The following EGFLAM variants were observed in gnomAD, a reference collection of about 807,000 sequenced individuals.
EGFLAM encodes the protein EGF like, fibronectin type III and laminin G domains, also known as pikachurin.
In EGFLAM, 79 loss-of-function variants were observed where a neutral mutation model predicts 113.1. The ratio of observed to expected loss-of-function variants is 0.70; its 90% CI spans 0.58 to 0.84. EGFLAM has a LOEUF of 0.84. EGFLAM is among the 40% of genes least tolerant of loss of function. The probability of loss-of-function intolerance (pLI) is 0.00; values close to 1 mark genes in which losing one functional copy is unlikely to be tolerated. For missense variants in EGFLAM, 1,265 were observed against 1,291.6 expected, an observed-to-expected ratio of 0.98 and a Z score of 0.32; for synonymous variants, 504 against 487.6, an observed-to-expected ratio of 1.03 and a Z score of -0.44.
At chr5:38,462,822 A>T (rs757226426) in intron 20 of EGFLAM, 86 bp from the exon 21 acceptor site, 1 of 1,441,266 alleles carries the variant, frequency 6.9e-7, no homozygotes. Context: ...GTGTCCTTTA[A>T]TACATTTGTA....
At chr5:38,368,098 G>A (rs1295101483) in intron 5 of EGFLAM, among the ~76,000 whole-genome samples, 1 of 152,194 alleles carries the variant, frequency 6.6e-6, no homozygotes, top group African/African-American at 2.4e-5. Flanking sequence ...ATAGATATGG[G>A]TTATTTCCTC....
chr5:38,265,625 C>T (rs1163031204), intron 1 of EGFLAM, among the ~76,000 whole-genome samples: 1 of 152,168 alleles, frequency 6.6e-6, no homozygotes, highest in Non-Finnish European at 1.5e-5. Flanking sequence ...GAGGAAGGAC[C>T]CCAGGGTGTA....
chr5:38,280,952 T>C (rs1757997934), intron 1 of EGFLAM, among the ~76,000 whole-genome samples: 1 of 152,182 alleles, frequency 6.6e-6, no homozygotes, highest in Admixed American at 6.5e-5. Context: ...GCAGTAACTA[T>C]AGTGTAAGAG....
chr5:38,367,412 AT>A (rs140514341), intron 5 of EGFLAM, among the ~76,000 whole-genome samples: 2 of 145,554 alleles, frequency 1.4e-5, no homozygotes, highest in East Asian at 2.0e-4. Flanking sequence ...ATGCTGGCTA[AT>A]TTTTTTTTTA....
At chr5:38,330,176 C>T (rs924540544) in intron 1 of EGFLAM, among the ~76,000 whole-genome samples, 1 of 152,156 alleles carries the variant, frequency 6.6e-6, no homozygotes, top group Non-Finnish European at 1.5e-5. Flanking sequence ...AAAATAAAAA[C>T]TACATTTTCC....
chr5:38,326,543 G>A (rs1738888322), intron 1 of EGFLAM, among the ~76,000 whole-genome samples: 1 of 151,944 alleles, frequency 6.6e-6, no homozygotes, highest in South Asian at 2.1e-4. Context: ...CTGTCACCCA[G>A]GCTGGAGTGC....
At chr5:38,411,065 G>C (rs982882633) in intron 10 of EGFLAM, among the ~76,000 whole-genome samples, 1 of 151,742 alleles carries the variant, frequency 6.6e-6, no homozygotes, top group Non-Finnish European at 1.5e-5. Context: ...TTTTCTTATG[G>C]GTCCTGTCCT....
chr5:38,318,868 G>A lies in EGFLAM; in HGVS notation c.98-18652G>A, dbSNP rs377098960. Among the ~76,000 whole-genome samples, 8 of 152,084 alleles carry A rather than the reference G, an allele frequency of 5.3e-5. No individual in the cohort carries two copies. The East Asian group carries it at 1.2e-3, about 22-fold the overall frequency. On this transcript the variant is annotated intron_variant, in intron 1 of 21. Transcript: ENST00000322350. ...ACCCTCAGCGTGGTCACAATAACTC[G>A]AAAAAGCCACTCATCTAGCAGTGAG...
chr5:38,298,519 GT>G (rs1187096817), intron 1 of EGFLAM, among the ~76,000 whole-genome samples: 1 of 152,058 alleles, frequency 6.6e-6, no homozygotes, highest in East Asian at 1.9e-4. Flanking sequence ...CTGTGTTGGG[GT>G]TTTGAGATGG....
chr5:38,320,594 ATG>A (rs1561276759), intron 1 of EGFLAM, among the ~76,000 whole-genome samples: 1 of 151,968 alleles, frequency 6.6e-6, no homozygotes, highest in African/African-American at 2.4e-5. Context: ...GCCTGTGTAT[ATG>A]TGTGTCTGCA....
At chr5:38,455,694 A>C (rs1238435813) in intron 19 of EGFLAM, among the ~76,000 whole-genome samples, 1 of 152,168 alleles carries the variant, frequency 6.6e-6, no homozygotes, top group Non-Finnish European at 1.5e-5. Flanking sequence ...GAATCGGGCC[A>C]TGGAGAAGCC....
rs767818661 is a variant in EGFLAM, at chr5:38,407,799, C to G, written c.1148-6C>G. On this transcript the variant is annotated splice_region_variant and splice_polypyrimidine_tract_variant and intron_variant, in intron 8 of 21. Transcript: ENST00000322350. ...ATTCTTTTGTGTTGTCTTTTTTCTT[C>G]TTCAGATATTGTTATCCAGTATCCT... 1.9e-6 allele frequency: 3 copies of G among 1,597,810 alleles called. No homozygotes were observed. In the East Asian group the frequency reaches 6.7e-5, roughly 36 times the overall value.
At chr5:38,418,547 G>A (rs922785320) in intron 12 of EGFLAM, among the ~76,000 whole-genome samples, 2 of 152,160 alleles carry the variant, frequency 1.3e-5, no homozygotes, top group Admixed American at 1.3e-4. Flanking sequence ...TGGTCTTACT[G>A]GACAAAGCAA....
Position 38,384,380 on chromosome 5 carries a change from C to T in EGFLAM, c.712+13918C>T, listed in dbSNP as rs187004334. On this transcript the variant is annotated intron_variant, in intron 6 of 21. Coordinates refer to ENST00000322350, the MANE Select transcript of EGFLAM (RefSeq NM_152403.4). ...CCTGTCCTCTTCTCTGTTGCAGAGA[C>T]CCCACTTACATGCGTGGTTACACCG... Among the ~76,000 whole-genome samples, 155 of 152,256 alleles carry T rather than the reference C, an allele frequency of 1.0e-3. 10 individuals are homozygous for T. The highest frequency in any genetic ancestry group is 5.0e-4 in the Non-Finnish European group (34 of 68,016).
rs773471327 is a variant in EGFLAM at position 38,464,490 on chromosome 5, C to T, written c.*504C>T. The T allele has an allele frequency of 6.4e-6, 1 of 157,086 alleles. No individual in the cohort carries two copies. The highest frequency in any genetic ancestry group is 6.2e-5 in the Admixed American group (1 of 16,244). The allele number at this position is 157,086 out of a possible 1,614,324, so 9.7% of individuals were successfully genotyped here. ...GTTCGGATTAACCCCTTCCACTCCT[C>T]ACTGGCTGGTTCACTGTGTTCTGAC... On this transcript the variant is annotated 3_prime_UTR_variant, in exon 22 of 22. Coordinates refer to ENST00000322350, the MANE Select transcript of EGFLAM (RefSeq NM_152403.4).
At chr5:38,280,795 C>T (rs557507916) in intron 1 of EGFLAM, among the ~76,000 whole-genome samples, 1 of 152,244 alleles carries the variant, frequency 6.6e-6, no homozygotes, top group African/African-American at 2.4e-5. Context: ...TAATTGATAC[C>T]TTTGGTACTA....
chr5:38,292,684 A>G (rs143059545), intron 1 of EGFLAM, among the ~76,000 whole-genome samples: 56 of 152,340 alleles, frequency 3.7e-4, no homozygotes, highest in African/African-American at 1.2e-3. Flanking sequence ...ATGTGTTCCT[A>G]TCATGAAAAT....
chr5:38,444,313 TAGAG>T (rs1264393237), intron 17 of EGFLAM, among the ~76,000 whole-genome samples: 6 of 152,110 alleles, frequency 3.9e-5, no homozygotes, highest in Admixed American at 2.6e-4. Context: ...CTGGAAATGG[TAGAG>T]AGAAGTGGGG....
At chr5:38,275,007 G>T (rs1173369034) in intron 1 of EGFLAM, among the ~76,000 whole-genome samples, 1 of 152,038 alleles carries the variant, frequency 6.6e-6, no homozygotes, top group East Asian at 1.9e-4. Flanking sequence ...AAGTTAAGTT[G>T]TTATTAGCTT....
Sources: gnomAD v4.1 joint callset for allele counts (sites outside exome capture counted in the v4.1 genomes callset) on GRCh38, gnomAD v4.1.1 for gene constraint, MANE v1.5 for transcripts, NCBI Gene and HGNC (gene_info 2026-07-23, HGNC 2026-07-21) for gene names.